Variants in GMDS observed in about 807,000 individuals in gnomAD.
The protein encoded by GMDS is GDP-mannose 4,6 dehydratase.
In GMDS, 20 loss-of-function variants were observed where a neutral mutation model predicts 49.9. The observed-to-expected ratio is 0.40, with a 90% CI of 0.28 to 0.58. The LOEUF (loss-of-function observed/expected upper bound fraction) is 0.58, where lower values mean the gene tolerates loss of function less well. Among genes scored for constraint, GMDS ranks in the 20% least tolerant of loss-of-function variants. The pLI is 0.42. For missense variants in GMDS, 362 were observed against 481.4 expected, an observed-to-expected ratio of 0.75 and a Z score of 2.32; for synonymous variants, 177 against 178.6, an observed-to-expected ratio of 0.99 and a Z score of 0.07.
chr6:1,625,863 G>T (rs962410392), intron 9 of GMDS, among the ~76,000 whole-genome samples: 1 of 152,178 alleles, frequency 6.6e-6, no homozygotes, highest in African/African-American at 2.4e-5. Context: ...GAACGCAAAG[G>T]CCGTACGAAA....
chr6:2,104,056 G>C (rs1042664740), intron 4 of GMDS, among the ~76,000 whole-genome samples: 1 of 152,220 alleles, frequency 6.6e-6, no homozygotes, highest in South Asian at 2.1e-4. Context: ...CTTAACTAAA[G>C]AGGAGACATG....
intron 7 of GMDS, among the ~76,000 whole-genome samples, chr6:1,772,750 A>C (rs552668917): frequency 6.6e-6 from 1 of 152,336 alleles, no homozygotes; most frequent in Admixed American, 6.5e-5. Context: ...AACGTAAAAA[A>C]CAAAAACAAG....
intron 4 of GMDS, among the ~76,000 whole-genome samples, chr6:2,075,282 A>T (rs1420659536): frequency 6.6e-6 from 1 of 151,728 alleles, no homozygotes; most frequent in East Asian, 1.9e-4. Context: ...TGGATTTTTT[A>T]AATTATACTT....
intron 2 of GMDS, 113 bp from the exon 3 acceptor site, chr6:2,117,669 T>C (rs1048548905): frequency 7.3e-6 from 5 of 684,004 alleles, no homozygotes; most frequent in Non-Finnish European, 1.3e-5. Flanking sequence ...TTTTAAATTA[T>C]TAGAAATAGT....
At chr6:2,157,694 G>C (rs900998019) in intron 1 of GMDS, among the ~76,000 whole-genome samples, 2 of 152,168 alleles carry the variant, frequency 1.3e-5, no homozygotes, top group African/African-American at 4.8e-5. Flanking sequence ...TAGGCATCTT[G>C]CATCAGCCAG....
Position 1,979,700 on chromosome 6 carries a change from T to C in GMDS, c.346-18734A>G, listed in dbSNP as rs369430220. Among the ~76,000 whole-genome samples, 23 of 152,218 alleles carry C rather than the reference T, an allele frequency of 1.5e-4. 1 individual carries two copies. In the East Asian group the frequency reaches 2.3e-3, roughly 15 times the overall value. Reference sequence around the variant, plus strand: ...AAATTCAGGAAATGCAGAGAATCCCTGTGAAATACTTCATAAGAAGATGAT... The same window carrying C: ...AAATTCAGGAAATGCAGAGAATCCCCGTGAAATACTTCATAAGAAGATGAT... On this transcript the variant is annotated intron_variant, in intron 4 of 10. Coordinates refer to ENST00000380815, the MANE Select transcript of GMDS (RefSeq NM_001500.4).
chr6:1,722,333 C>T (rs577565720), intron 9 of GMDS, among the ~76,000 whole-genome samples: 17 of 151,132 alleles, frequency 1.1e-4, no homozygotes, highest in South Asian at 2.1e-4. Context: ...GTGATCTGCC[C>T]GCCTCGGCCT....
At chr6:2,152,683 ATTAACT>A (rs1409761122) in intron 1 of GMDS, among the ~76,000 whole-genome samples, 7 of 152,274 alleles carry the variant, frequency 4.6e-5, no homozygotes, top group South Asian at 2.1e-4. Context: ...CTGTACTCTA[ATTAACT>A]TTAAGTTTAA....
chr6:2,197,849 C>T (rs1779341578), intron 1 of GMDS, among the ~76,000 whole-genome samples: 1 of 152,188 alleles, frequency 6.6e-6, no homozygotes. Flanking sequence ...GCCCATTCTG[C>T]AGGGCTAAAA....
chr6:2,003,913 C>A (rs757930554), intron 4 of GMDS, among the ~76,000 whole-genome samples: 2 of 152,086 alleles, frequency 1.3e-5, no homozygotes, highest in African/African-American at 2.4e-5. Context: ...TGGTAAAGAT[C>A]CAATGTAGGT....
At chr6:1,977,144 G>A (rs537097709) in intron 4 of GMDS, among the ~76,000 whole-genome samples, 1 of 152,258 alleles carries the variant, frequency 6.6e-6, no homozygotes, top group East Asian at 1.9e-4. Context: ...ACAAAGCAGA[G>A]GAAGAAAAAT....
At chr6:1,924,680 G>C (rs1002066547) in intron 7 of GMDS, among the ~76,000 whole-genome samples, 1 of 152,190 alleles carries the variant, frequency 6.6e-6, no homozygotes, top group African/African-American at 2.4e-5. Context: ...AATACATGTT[G>C]AATGAACAGT....
intron 4 of GMDS, among the ~76,000 whole-genome samples, chr6:2,062,706 A>G (rs1247842902): frequency 6.6e-6 from 1 of 152,240 alleles, no homozygotes; most frequent in South Asian, 2.1e-4. Context: ...TTAAATGTCA[A>G]TGCCTTGATT....
At chr6:2,221,153 T>G (rs987499347) in intron 1 of GMDS, among the ~76,000 whole-genome samples, 1 of 152,070 alleles carries the variant, frequency 6.6e-6, no homozygotes, top group Non-Finnish European at 1.5e-5. Context: ...TACTCCAGCC[T>G]AGGCAACAGA....
intron 7 of GMDS, among the ~76,000 whole-genome samples, chr6:1,858,291 G>A (rs1317878831): frequency 1.3e-5 from 2 of 152,104 alleles, no homozygotes; most frequent in Admixed American, 6.6e-5. Flanking sequence ...CAGATGGACC[G>A]GGTTAACAAT....
intron 7 of GMDS, among the ~76,000 whole-genome samples, chr6:1,912,522 G>A (rs1232580940): frequency 2.0e-5 from 3 of 152,042 alleles, no homozygotes; most frequent in African/African-American, 7.3e-5. Context: ...ATAAAACAAA[G>A]TCTTATCCAA....
rs187448296 is a variant in GMDS, at chr6:2,230,060, T to C, written c.102+15261A>G. Among the ~76,000 whole-genome samples the C allele has an allele frequency of 5.9e-3, 816 of 137,608 alleles. 14 individuals carry two copies. Among genetic ancestry groups the C allele is most frequent in the African/African-American group, 0.022 (739 of 32,928 alleles). The allele number at this position is 137,608 out of a possible 152,430, so 90.3% of individuals were successfully genotyped here. Reference sequence around the variant, plus strand: ...GTTGCGAGACTCCTCTGAAGACCCCTATCCAGAGTCCACAGTTGCGAGACT... The same window carrying C: ...GTTGCGAGACTCCTCTGAAGACCCCCATCCAGAGTCCACAGTTGCGAGACT... On this transcript the variant is annotated intron_variant, in intron 1 of 10. Coordinates refer to ENST00000380815, the MANE Select transcript of GMDS (RefSeq NM_001500.4).
chr6:1,796,384 T>C (rs1769735744), intron 7 of GMDS, among the ~76,000 whole-genome samples: 1 of 152,252 alleles, frequency 6.6e-6, no homozygotes, highest in Admixed American at 6.5e-5. Flanking sequence ...CTACTCTTAG[T>C]GTATTTTCAG....
chr6:1,846,298 G>T (rs1326684851), intron 7 of GMDS, among the ~76,000 whole-genome samples: 4 of 151,922 alleles, frequency 2.6e-5, no homozygotes, highest in Admixed American at 2.6e-4. Flanking sequence ...TTGCCATGTT[G>T]CCCAGGCTGG....
Sources: allele counts gnomAD v4.1 joint callset (sites outside exome capture counted in the v4.1 genomes callset), GRCh38; gene constraint gnomAD v4.1.1; transcripts MANE v1.5; gene names NCBI Gene and HGNC (gene_info 2026-07-23, HGNC 2026-07-21).